ST6GAL2: variants seen among roughly 807,000 people sequenced by gnomAD.
The protein encoded by ST6GAL2 is ST6 beta-galactoside alpha-2,6-sialyltransferase 2.
Under a neutral mutation model 37.5 loss-of-function variants are expected in ST6GAL2, and 24 were observed. That is an observed-to-expected ratio of 0.64 (90% CI 0.46 to 0.90). The LOEUF (loss-of-function observed/expected upper bound fraction) is 0.90, where lower values mean the gene tolerates loss of function less well. Ranked by LOEUF, ST6GAL2 falls within the 40% of genes least tolerant of loss-of-function variation. The pLI, the probability that ST6GAL2 is intolerant of heterozygous loss-of-function variation, is 0.00. For missense variants in ST6GAL2, 715 were observed against 712.7 expected, an observed-to-expected ratio of 1.00 and a Z score of -0.04; for synonymous variants, 306 against 295.1, an observed-to-expected ratio of 1.04 and a Z score of -0.38.
At chr2:106,874,163 G>A (rs1678399094) in intron 1 of ST6GAL2, among the ~76,000 whole-genome samples, 1 of 152,180 alleles carries the variant, frequency 6.6e-6, no homozygotes, top group Non-Finnish European at 1.5e-5. Flanking sequence ...GATGGGAAGG[G>A]AGCAAAGTCA....
chr2:106,861,789 C>G (rs1295056713), intron 1 of ST6GAL2, among the ~76,000 whole-genome samples: 1 of 151,956 alleles, frequency 6.6e-6, no homozygotes, highest in Non-Finnish European at 1.5e-5. Flanking sequence ...CGCCACCAAG[C>G]CTGGCTAATT....
At chr2:106,844,071 G>A in intron 1 of ST6GAL2, 37 bp from the exon 2 acceptor site, 1 of 1,022,040 alleles carries the variant, frequency 9.8e-7, no homozygotes, top group Non-Finnish European at 1.4e-6. Flanking sequence ...CCAACATGGG[G>A]CATCTGCTCA....
chr2:106,870,492 T>G lies in ST6GAL2; in HGVS notation c.-58+15601A>C, dbSNP rs188384365. ...TTTCATTGCCTGAGAGTACACGTTCTCAAGGAATATAAATCAGTTGAAAAA... is the reference window on the plus strand; with the variant it reads ...TTTCATTGCCTGAGAGTACACGTTCGCAAGGAATATAAATCAGTTGAAAAA... On this transcript the variant is annotated intron_variant, in intron 1 of 5. Transcript: ENST00000409382. Among the ~76,000 whole-genome samples the G allele has an allele frequency of 5.3e-5, 8 of 152,244 alleles. No individual in the cohort carries two copies. The East Asian group carries it at 1.5e-3, about 29-fold the overall frequency.
chr2:106,883,546 A>G (rs1678837377), intron 1 of ST6GAL2, among the ~76,000 whole-genome samples: 1 of 152,116 alleles, frequency 6.6e-6, no homozygotes, highest in Non-Finnish European at 1.5e-5. Flanking sequence ...TGCAATTGTT[A>G]CTTTTATAGT....
chr2:106,830,198 G>A lies in ST6GAL2; in HGVS notation c.1186C>T (p.Gln396Ter). ...TGATTTGGGTTTCTCTGACGATGCT[G>A]AATATATGGAGTGAACAGGTTGTAA... ...PDYNLFTPYIQHRQRNPNQPF... is the reference protein window; with the variant it reads ...PDYNLFTPYI Residue 396 changes from glutamine to a stop codon, truncating the protein, a stop_gained, in exon 5 of 6, where the codon CAG (glutamine) becomes TAG (stop). Coordinates refer to ENST00000409382, the MANE Select transcript of ST6GAL2 (RefSeq NM_001142351.2). LOFTEE classifies it high-confidence loss of function. 1 of 1,613,572 alleles carries A rather than the reference G, an allele frequency of 6.2e-7. No homozygotes were observed. The highest frequency in any genetic ancestry group is 8.5e-7 in the Non-Finnish European group (1 of 1,180,000).
chr2:106,832,692 C>T, intron 3 of ST6GAL2, 26 bp from the exon 4 acceptor site: 3 of 1,451,862 alleles, frequency 2.1e-6, no homozygotes, highest in Non-Finnish European at 2.9e-6. Context: ...AAAACCATTT[C>T]AAAGCCAGGG....
At chr2:106,876,870 A>G (rs115604235) in intron 1 of ST6GAL2, among the ~76,000 whole-genome samples, 2,845 of 152,322 alleles carry the variant, frequency 0.019, 48 homozygotes, top group South Asian at 0.076. Flanking sequence ...AGCAGGCGCC[A>G]CAGCTTCCTC....
rs1173328975 is a variant in ST6GAL2 at position 106,803,439 on chromosome 2, CTA to C, written c.*3237_*3238del. ...CACAAAGTTCTCTGTAAGAGCAGCTCTATAAGGACATAGTGAGAAAGGTCAGC... is the reference window on the plus strand; with the variant it reads ...CACAAAGTTCTCTGTAAGAGCAGCTCTAAGGACATAGTGAGAAAGGTCAGC... On this transcript the variant is annotated 3_prime_UTR_variant, in exon 6 of 6. Transcript: ENST00000409382. The C allele has an allele frequency of 6.6e-6, 1 of 152,158 alleles. No individual in the cohort carries two copies. Among genetic ancestry groups the C allele is most frequent in the African/African-American group, 2.4e-5 (1 of 41,426 alleles). The allele number at this position is 152,158 out of a possible 1,614,324, so 9.4% of individuals were successfully genotyped here.
At position 106,834,134 on chromosome 2, in the gene ST6GAL2, G is replaced by C; in HGVS notation, c.956C>G (p.Ala319Gly). 2 of 1,612,134 alleles carry C rather than the reference G, an allele frequency of 1.2e-6. No homozygotes were observed. The highest frequency in any genetic ancestry group is 1.7e-6 in the Non-Finnish European group (2 of 1,178,544). Reference protein sequence around the residue: ...SLGEEIDSHDAVLRFNSAPTR... With the variant: ...SLGEEIDSHDGVLRFNSAPTR... Reference sequence around the variant, plus strand: ...AGGAGCAGAGTTAAATCTCAAAACCGCATCATGAGAATCTAAGGGCACATA... The same window carrying C: ...AGGAGCAGAGTTAAATCTCAAAACCCCATCATGAGAATCTAAGGGCACATA... The change falls in exon 3 of 6, where the codon GCG (alanine) becomes GGG (glycine). Residue 319 changes from alanine (A) to glycine (G), a missense_variant. By Grantham distance (60) the Ala-to-Gly change is moderately conservative. Coordinates refer to ENST00000409382, the MANE Select transcript of ST6GAL2 (RefSeq NM_001142351.2).
chr2:106,818,382 CTGTT>C (rs1249932133), intron 5 of ST6GAL2, among the ~76,000 whole-genome samples: 2 of 152,168 alleles, frequency 1.3e-5, no homozygotes, highest in East Asian at 1.9e-4. Flanking sequence ...GGGAAAGACT[CTGTT>C]TGTTTGAGAG....
In ST6GAL2 at chr2:106,818,404, G is replaced by A. The variant is rs546863584; in HGVS notation, c.1319-11455C>T. ...ACTCTGTTTGTTTGAGAGAAAGTGA[G>A]GGAAGAGAACAAGTCTCTGACTGGC... is the stretch of plus-strand genomic sequence containing the variant. On this transcript the variant is annotated intron_variant, in intron 5 of 5. Transcript: ENST00000409382. 7.7e-4 allele frequency among the ~76,000 whole-genome samples: 117 copies of A among 152,294 alleles called. 1 individual carries two copies. Among genetic ancestry groups the A allele is most frequent in the African/African-American group, 2.8e-3 (115 of 41,564 alleles).
chr2:106,822,021 G>T (rs190654088), intron 5 of ST6GAL2, among the ~76,000 whole-genome samples: 22 of 152,190 alleles, frequency 1.4e-4, no homozygotes, highest in Non-Finnish European at 3.1e-4. Flanking sequence ...CACAATAAAA[G>T]CCATATATGA....
intron 1 of ST6GAL2, among the ~76,000 whole-genome samples, chr2:106,866,596 C>A (rs996376810): frequency 2.6e-5 from 4 of 152,162 alleles, no homozygotes; most frequent in Non-Finnish European, 5.9e-5. Context: ...CTGTCAGAAC[C>A]AGAACTAGCT....
intron 1 of ST6GAL2, among the ~76,000 whole-genome samples, chr2:106,857,183 G>T (rs4676305): frequency 0.88 from 133,381 of 152,248 alleles, 58,566 homozygotes; most frequent in East Asian, 0.98. Flanking sequence ...AAGTTGCTAA[G>T]GACCTAACAT....
intron 5 of ST6GAL2, among the ~76,000 whole-genome samples, chr2:106,818,715 G>A (rs916748146): frequency 2.0e-5 from 3 of 151,904 alleles, no homozygotes; most frequent in Non-Finnish European, 4.4e-5. Context: ...AACCATCCAG[G>A]AAAATGACCT....
intron 1 of ST6GAL2, among the ~76,000 whole-genome samples, chr2:106,884,550 T>C (rs552664203): frequency 6.6e-6 from 1 of 152,236 alleles, no homozygotes; most frequent in Admixed American, 6.5e-5. Flanking sequence ...TCACAATCTC[T>C]ACAAGACATT....
intron 5 of ST6GAL2, among the ~76,000 whole-genome samples, chr2:106,822,417 T>A (rs529809726): frequency 3.3e-5 from 5 of 151,744 alleles, no homozygotes; most frequent in Non-Finnish European, 7.4e-5. Context: ...TAACTACAAA[T>A]AAAATACATG....
intron 1 of ST6GAL2, among the ~76,000 whole-genome samples, chr2:106,880,861 C>T (rs1417512983): frequency 6.6e-6 from 1 of 152,314 alleles, no homozygotes; most frequent in East Asian, 1.9e-4. Flanking sequence ...GATGTAACAA[C>T]ACATAATGCA....
At chr2:106,849,255 G>A (rs1677262692) in intron 1 of ST6GAL2, among the ~76,000 whole-genome samples, 2 of 151,994 alleles carry the variant, frequency 1.3e-5, no homozygotes, top group African/African-American at 4.8e-5. Flanking sequence ...ACCCCCTCAT[G>A]GCCAGATGGA....
Sources: gnomAD v4.1 joint callset for allele counts (sites outside exome capture counted in the v4.1 genomes callset) on GRCh38, gnomAD v4.1.1 for gene constraint, MANE v1.5 for transcripts, NCBI Gene and HGNC (gene_info 2026-07-23, HGNC 2026-07-21) for gene names.